OPA3: variants seen among roughly 807,000 people sequenced by gnomAD.
OPA3 encodes the protein outer mitochondrial membrane lipid metabolism regulator OPA3, also known as optic atrophy 3 protein.
A neutral mutation model predicts 4.0 loss-of-function variants in OPA3; 6 were observed. That is an observed-to-expected ratio of 1.51 (90% confidence interval 0.83 to 2.99). OPA3 has a LOEUF of 2.99. Among genes scored for constraint, OPA3 ranks in the 30% most tolerant of loss-of-function variants. The pLI, the probability that OPA3 is intolerant of heterozygous loss-of-function variation, is 0.00. For missense variants in OPA3, 235 were observed against 256.2 expected (o/e 0.92, Z 0.56); for synonymous variants, 105 against 117.1 (o/e 0.90, Z 0.67).
chr19:45,530,148 G>A (rs933632224), intron 1 of OPA3, among the ~76,000 whole-genome samples: 3 of 152,092 alleles, frequency 2.0e-5, no homozygotes, highest in South Asian at 4.1e-4. Flanking sequence ...GAGATCAGGA[G>A]TTTGAGACCA....
intron 1 of OPA3, among the ~76,000 whole-genome samples, chr19:45,537,236 T>A (rs1329375432): frequency 6.6e-6 from 1 of 150,572 alleles, no homozygotes; most frequent in Non-Finnish European, 1.5e-5. Flanking sequence ...TCGCCCAGGC[T>A]GGAGTGCAAT....
chr19:45,529,378 C>G, exon 2 of OPA3: 1 of 1,614,198 alleles, frequency 6.2e-7, no homozygotes, highest in Non-Finnish European at 8.5e-7. Context: ...GGCGGCTGCA[C>G]CCTCGTTCAG....
chr19:45,568,548 C>T (rs922644244), intron 1 of OPA3, among the ~76,000 whole-genome samples: 16 of 152,122 alleles, frequency 1.1e-4, no homozygotes, highest in Non-Finnish European at 2.9e-5. Context: ...CAGAATTGTG[C>T]AGGCCGCAAT....
chr19:45,565,290 A>G (rs1223059587), intron 1 of OPA3, among the ~76,000 whole-genome samples: 2 of 151,536 alleles, frequency 1.3e-5, no homozygotes, highest in Non-Finnish European at 2.9e-5. Context: ...TTATCATGCA[A>G]TTTCTATTAG....
intron 1 of OPA3, among the ~76,000 whole-genome samples, chr19:45,534,872 C>A (rs895569748): frequency 5.9e-5 from 9 of 152,064 alleles, no homozygotes; most frequent in African/African-American, 2.2e-4. Flanking sequence ...ACCTCGTGAT[C>A]CCCCAGCCTC....
intron 1 of OPA3, among the ~76,000 whole-genome samples, chr19:45,572,525 GAT>G (rs551652854): frequency 2.5e-4 from 30 of 119,328 alleles, no homozygotes; most frequent in African/African-American, 5.6e-4. Flanking sequence ...TGAGATATGA[GAT>G]ATATATATCA....
intron 1 of OPA3, among the ~76,000 whole-genome samples, chr19:45,574,489 G>A (rs1000440286): frequency 6.6e-6 from 1 of 152,106 alleles, no homozygotes; most frequent in East Asian, 1.9e-4. Context: ...CCGGGCCAGG[G>A]CTCGCCTATC....
At chr19:45,527,725 A>G (rs1969007967) in exon 2 of OPA3, 2 of 152,024 alleles carry the variant, frequency 1.3e-5, no homozygotes, top group South Asian at 2.1e-4. Context: ...CCTAATTTCA[A>G]TGACATTTTG....
At chr19:45,564,836 G>A (rs1969558809) in intron 1 of OPA3, among the ~76,000 whole-genome samples, 1 of 152,126 alleles carries the variant, frequency 6.6e-6, no homozygotes, top group Admixed American at 6.5e-5. Context: ...TTATCCTAAT[G>A]TGACTTTTTT....
intron 1 of OPA3, among the ~76,000 whole-genome samples, chr19:45,577,062 G>A (rs1019287153): frequency 1.3e-5 from 2 of 152,196 alleles, no homozygotes; most frequent in African/African-American, 4.8e-5. Context: ...CACCAAAAGT[G>A]CACTTTGCAG....
At chr19:45,540,930 G>T (rs1295616085) in intron 1 of OPA3, among the ~76,000 whole-genome samples, 3 of 152,292 alleles carry the variant, frequency 2.0e-5, no homozygotes, top group Middle Eastern at 3.4e-3. Flanking sequence ...GGGCCCAAGT[G>T]GATCCCACCA....
chr19:45,566,275 G>A (rs572458394), intron 1 of OPA3, among the ~76,000 whole-genome samples: 97 of 147,758 alleles, frequency 6.6e-4, no homozygotes, highest in African/African-American at 2.4e-3. Context: ...TCAGCCTCCC[G>A]AGTATCTGGG....
chr19:45,580,099 T>TGA (rs1350433370), intron 1 of OPA3, among the ~76,000 whole-genome samples: 6 of 145,940 alleles, frequency 4.1e-5, no homozygotes, highest in African/African-American at 1.5e-4. Flanking sequence ...CATGTTCAAG[T>TGA]GATTCTTCTG....
chr19:45,578,328 T>C (rs1969797439), intron 1 of OPA3, among the ~76,000 whole-genome samples: 1 of 152,166 alleles, frequency 6.6e-6, no homozygotes, highest in Admixed American at 6.5e-5. Context: ...TGAGATATTC[T>C]GCAGACTCTG....
chr19:45,537,430 A>AAAAAAAAC (rs1450112840), intron 1 of OPA3, among the ~76,000 whole-genome samples: 1 of 147,696 alleles, frequency 6.8e-6, no homozygotes, highest in East Asian at 2.1e-4. Flanking sequence ...AAACAAGAAA[A>AAAAAAAAC]GAACTTTCAT....
chr19:45,581,149 G>A (rs891163095), intron 1 of OPA3, among the ~76,000 whole-genome samples: 1 of 152,132 alleles, frequency 6.6e-6, no homozygotes, highest in Non-Finnish European at 1.5e-5. Flanking sequence ...AGTTGTGGGG[G>A]TCAAATGAGA....
At chr19:45,530,927 CTTTTTTTTTTTTTTTTTTT>C (rs71173176) in intron 1 of OPA3, among the ~76,000 whole-genome samples, 12 of 35,450 alleles carry the variant, frequency 3.4e-4, no homozygotes, top group South Asian at 1.3e-3. Flanking sequence ...ATGTCACCTA[CTTTTTTTTTTTTTTTTTTT>C]TTTTTTTTTT....
intron 1 of OPA3, among the ~76,000 whole-genome samples, chr19:45,579,327 T>C (rs984477524): frequency 3.9e-5 from 6 of 152,132 alleles, no homozygotes; most frequent in African/African-American, 1.4e-4. Context: ...TTCAAGTGAT[T>C]CTCCTGCCTA....
intron 1 of OPA3, among the ~76,000 whole-genome samples, chr19:45,574,169 G>A (rs974380354): frequency 6.6e-5 from 10 of 150,610 alleles, no homozygotes; most frequent in South Asian, 2.1e-4. Context: ...TGAGGCGGGC[G>A]GATCACGAGG....
Sources: allele counts gnomAD v4.1 joint callset (sites outside exome capture counted in the v4.1 genomes callset), GRCh38; gene constraint gnomAD v4.1.1; transcripts MANE v1.5; gene names NCBI Gene and HGNC (gene_info 2026-07-23, HGNC 2026-07-21).